The following IQSEC1 variants were observed in gnomAD, a reference collection of about 807,000 sequenced individuals.
IQSEC1 encodes IQ motif and SEC7 domain-containing protein 1.
Under a neutral mutation model 91.0 loss-of-function variants are expected in IQSEC1, and 31 were observed. The ratio of observed to expected loss-of-function variants is 0.34; its 90% CI spans 0.26 to 0.46. The LOEUF (loss-of-function observed/expected upper bound fraction) is 0.46, where lower values mean the gene tolerates loss of function less well. Ranked by LOEUF, IQSEC1 falls within the 20% of genes least tolerant of loss-of-function variation. The pLI is 1.00. For missense variants in IQSEC1, 1,388 were observed against 1,575.6 expected, an observed-to-expected ratio of 0.88 and a Z score of 2.02; for synonymous variants, 699 against 662.6, an observed-to-expected ratio of 1.05 and a Z score of -0.84.
At chr3:12,915,573 G>T (rs200988600) in intron 7 of IQSEC1, 21 bp downstream of exon 7, 2 of 1,611,012 alleles carry the variant, frequency 1.2e-6, no homozygotes, top group Non-Finnish European at 1.7e-6. Context: ...GGCCCACCAC[G>T]TACCAGGGCC....
chr3:12,917,341 T>C (rs879546785), intron 6 of IQSEC1, among the ~76,000 whole-genome samples: 13 of 152,152 alleles, frequency 8.5e-5, no homozygotes, highest in Non-Finnish European at 1.3e-4. Flanking sequence ...TCATCCACCA[T>C]TATAGCACCA....
intron 1 of IQSEC1, among the ~76,000 whole-genome samples, chr3:13,227,389 A>AG (rs938484501): frequency 5.3e-5 from 8 of 149,768 alleles, no homozygotes; most frequent in African/African-American, 2.5e-5. Context: ...AAAAAAAAAA[A>AG]AAAAAAAGAA....
At chr3:13,223,909 G>A (rs1428052671) in intron 1 of IQSEC1, among the ~76,000 whole-genome samples, 1 of 152,174 alleles carries the variant, frequency 6.6e-6, no homozygotes, top group African/African-American at 2.4e-5. Context: ...TGGAGTCACC[G>A]GACATTAATG....
chr3:13,140,206 C>T (rs1171488974), intron 2 of IQSEC1, among the ~76,000 whole-genome samples: 1 of 152,174 alleles, frequency 6.6e-6, no homozygotes, highest in East Asian at 1.9e-4. Context: ...TCATGACCTG[C>T]TCAACACACA....
At chr3:13,087,059 C>T (rs1020596383) in intron 2 of IQSEC1, among the ~76,000 whole-genome samples, 1 of 152,196 alleles carries the variant, frequency 6.6e-6, no homozygotes, top group African/African-American at 2.4e-5. Flanking sequence ...TTCAGGGGAT[C>T]GTGGGTGCCA....
rs144351684 is a variant in IQSEC1, at chr3:13,193,868, G to A, written c.273-29735C>T. On this transcript the variant is annotated intron_variant, in intron 1 of 15. Coordinates refer to the IQSEC1 transcript ENST00000648114. The surrounding 1 kb of genome is among the most constrained non-coding windows in gnomAD (Gnocchi z 4.2). ...AGCTTCCAGTGTCCATCAGTCAACC[G>A]GGCTGACAAGGACCATGCCCTGGGG... 8.5e-5 allele frequency among the ~76,000 whole-genome samples: 13 copies of A among 152,290 alleles called. No homozygotes were observed. The highest frequency in any genetic ancestry group is 2.2e-4 in the African/African-American group (9 of 41,564).
At chr3:13,138,373 C>T (rs1412851853) in intron 2 of IQSEC1, among the ~76,000 whole-genome samples, 4 of 151,870 alleles carry the variant, frequency 2.6e-5, no homozygotes, top group African/African-American at 9.7e-5. Context: ...CCGAGAGGAG[C>T]GGCTGGCCTT....
At chr3:12,978,403 G>T (rs1164595657) in intron 1 of IQSEC1, among the ~76,000 whole-genome samples, 1 of 152,114 alleles carries the variant, frequency 6.6e-6, no homozygotes, top group East Asian at 1.9e-4. Flanking sequence ...AGCAGTTTAA[G>T]AATCTTTGCA....
intron 2 of IQSEC1, among the ~76,000 whole-genome samples, chr3:13,100,971 A>G (rs1706047919): frequency 2.0e-5 from 3 of 148,528 alleles, no homozygotes; most frequent in Admixed American, 6.7e-5. Flanking sequence ...GAGGCCTGCC[A>G]TGGGAGGACC....
intron 1 of IQSEC1, among the ~76,000 whole-genome samples, chr3:12,998,937 C>T (rs915870112): frequency 6.6e-6 from 1 of 152,040 alleles, no homozygotes; most frequent in East Asian, 1.9e-4. Context: ...CAACATGAAG[C>T]TTTGCCCCCC....
At chr3:13,187,119 C>T (rs762144619) in intron 1 of IQSEC1, among the ~76,000 whole-genome samples, 5 of 152,148 alleles carry the variant, frequency 3.3e-5, no homozygotes, top group Non-Finnish European at 7.4e-5. Context: ...TCCACCCATC[C>T]ACCCACACAC....
chr3:13,061,218 G>A (rs1054300167), intron 1 of IQSEC1, among the ~76,000 whole-genome samples: 6 of 152,130 alleles, frequency 3.9e-5, no homozygotes, highest in Non-Finnish European at 7.4e-5. Flanking sequence ...GGACAGAGCC[G>A]GCAGCATGGG....
intron 1 of IQSEC1, among the ~76,000 whole-genome samples, chr3:13,208,795 G>A (rs1694389111): frequency 6.6e-6 from 1 of 152,180 alleles, no homozygotes; most frequent in African/African-American, 2.4e-5. Flanking sequence ...CAGGCTGCCC[G>A]CACTCACTCC....
At chr3:13,116,718 T>C (rs891475112) in intron 2 of IQSEC1, among the ~76,000 whole-genome samples, 7 of 152,042 alleles carry the variant, frequency 4.6e-5, no homozygotes, top group African/African-American at 1.7e-4. Flanking sequence ...CTGGCCAACA[T>C]GGTGAAACCG....
intron 1 of IQSEC1, among the ~76,000 whole-genome samples, chr3:12,965,425 A>G (rs567732490): frequency 9.2e-5 from 14 of 152,340 alleles, no homozygotes; most frequent in Non-Finnish European, 1.8e-4. Context: ...CTCTGCCTCC[A>G]CAGGCCAAGG....
chr3:13,171,097 T>TCAAAAAAAA (rs1168949493), intron 1 of IQSEC1, among the ~76,000 whole-genome samples: 2 of 144,668 alleles, frequency 1.4e-5, no homozygotes, highest in African/African-American at 2.8e-5. Flanking sequence ...AGACTCCATC[T>TCAAAAAAAA]CAAAAAAAAC....
At chr3:13,256,094 T>C (rs1695280729) in intron 1 of IQSEC1, among the ~76,000 whole-genome samples, 1 of 151,910 alleles carries the variant, frequency 6.6e-6, no homozygotes, top group Admixed American at 6.6e-5. Context: ...TTGGCAAGAG[T>C]TGCCTTAGGA....
At chr3:13,198,124 G>A (rs1237753480) in intron 1 of IQSEC1, among the ~76,000 whole-genome samples, 4 of 152,122 alleles carry the variant, frequency 2.6e-5, no homozygotes, top group East Asian at 1.9e-4. Flanking sequence ...CTCAGGCCAC[G>A]TGGCCTGTTT....
In IQSEC1 at chr3:12,900,656, G is replaced by A. The variant is rs1339438207; in HGVS notation, c.*327C>T. 5 of 1,251,174 alleles carry A rather than the reference G, an allele frequency of 4.0e-6. No homozygotes were observed. The highest frequency in any genetic ancestry group is 5.0e-6 in the Non-Finnish European group (5 of 991,878). 77.5% of individuals were successfully genotyped at this position (1,251,174 alleles called of 1,614,324 possible). A position where few individuals can be genotyped will look rare whatever the true frequency, so the allele number is the denominator to read the frequency against. ...GGTTTTCATATGCATGTACATTAGG[G>A]CACAGGGAGCTGAGAGCTGGAGTGG... On this transcript the variant is annotated 3_prime_UTR_variant, in exon 14 of 14. Transcript: ENST00000613206.
Sources: gnomAD v4.1 joint callset for allele counts (sites outside exome capture counted in the v4.1 genomes callset) on GRCh38, gnomAD v4.1.1 for gene constraint, Gnocchi (gnomAD v3.1) non-coding constraint, MANE v1.5 for transcripts, NCBI Gene and HGNC (gene_info 2026-07-23, HGNC 2026-07-21) for gene names.